FGD6: variants seen among roughly 807,000 people sequenced by gnomAD.
FGD6 encodes the protein FYVE, RhoGEF and PH domain containing 6, also known as FYVE, RhoGEF and PH domain-containing protein 6.
A neutral mutation model predicts 149.4 loss-of-function variants in FGD6; 90 were observed. The ratio of observed to expected loss-of-function variants is 0.60; its 90% CI spans 0.51 to 0.72. The LOEUF is 0.72. Among genes scored for constraint, FGD6 ranks in the 30% least tolerant of loss-of-function variants. FGD6 has a pLI of 0.00. For missense variants in FGD6, 1,437 were observed against 1,684.8 expected (o/e 0.85, Z 2.57); for synonymous variants, 527 against 584.0 (o/e 0.90, Z 1.41).
At chr12:95,149,670 A>G (rs969599512) in intron 5 of FGD6, among the ~76,000 whole-genome samples, 2 of 144,714 alleles carry the variant, frequency 1.4e-5, no homozygotes, top group Non-Finnish European at 3.0e-5. Flanking sequence ...AAAAAAGGAC[A>G]ATATTTTGTC....
chr12:95,152,871 T>C (rs1238659024), intron 4 of FGD6, 30 bp from the exon 5 acceptor site: 1 of 1,613,882 alleles, frequency 6.2e-7, no homozygotes, highest in Non-Finnish European at 8.5e-7. Context: ...AAAAAATGTT[T>C]TAAATGTGCC....
intron 19 of FGD6, among the ~76,000 whole-genome samples, chr12:95,085,248 T>G (rs1031354542): frequency 7.5e-5 from 10 of 134,062 alleles, no homozygotes; most frequent in Admixed American, 1.7e-4. Context: ...ACAGAGTCTC[T>G]CTGTTGCCCA....
At position 95,079,483 on chromosome 12, in the gene FGD6, A is replaced by C. The variant is rs1450890101; in HGVS notation, c.*2037T>G. Reference sequence around the variant, plus strand: ...TTGTAGTCAGAAGGCTGAGAGCTCAAGAGGAGGGAAAGAAAACCCAAATAA... The same window carrying C: ...TTGTAGTCAGAAGGCTGAGAGCTCACGAGGAGGGAAAGAAAACCCAAATAA... On this transcript the variant is annotated 3_prime_UTR_variant, in exon 21 of 21. Transcript: ENST00000343958. The C allele has an allele frequency of 6.6e-6, 1 of 152,248 alleles. No individual in the cohort carries two copies. The highest frequency in any genetic ancestry group is 1.9e-4 in the East Asian group (1 of 5,206). The allele number at this position is 152,248 out of a possible 1,614,324, so 9.4% of individuals were successfully genotyped here.
intron 2 of FGD6, among the ~76,000 whole-genome samples, chr12:95,174,780 T>C (rs1881083342): frequency 6.6e-6 from 1 of 151,656 alleles, no homozygotes; most frequent in African/African-American, 2.4e-5. Flanking sequence ...TACAAAATAT[T>C]AGCCAGGCAT....
chr12:95,086,957 C>T (rs943849133), intron 18 of FGD6, among the ~76,000 whole-genome samples: 5 of 150,864 alleles, frequency 3.3e-5, no homozygotes, highest in East Asian at 2.0e-4. Flanking sequence ...AAGCACTTCT[C>T]GTGCCCCAGC....
intron 8 of FGD6, among the ~76,000 whole-genome samples, chr12:95,131,574 G>C (rs1879521042): frequency 6.6e-6 from 1 of 152,126 alleles, no homozygotes; most frequent in South Asian, 2.1e-4. Flanking sequence ...GCTACAAAGA[G>C]AATGGACTTC....
chr12:95,151,212 A>C (rs1363272994), intron 5 of FGD6, among the ~76,000 whole-genome samples: 1 of 152,234 alleles, frequency 6.6e-6, no homozygotes, highest in African/African-American at 2.4e-5. Context: ...AGCAATGTTA[A>C]GAATTTTTAA....
At chr12:95,191,140 C>A (rs1327650643) in intron 2 of FGD6, among the ~76,000 whole-genome samples, 1 of 152,136 alleles carries the variant, frequency 6.6e-6, no homozygotes, top group Non-Finnish European at 1.5e-5. Context: ...AAGACCTGTA[C>A]TAACCAAGAA....
At chr12:95,165,983 T>C (rs1425264652) in intron 3 of FGD6, among the ~76,000 whole-genome samples, 14 of 140,872 alleles carry the variant, frequency 9.9e-5, no homozygotes, top group Admixed American at 3.6e-4. Flanking sequence ...TTTTTTTCAA[T>C]AGGGTCTTGC....
intron 2 of FGD6, among the ~76,000 whole-genome samples, chr12:95,207,763 T>C (rs2056700350): frequency 6.6e-6 from 1 of 152,162 alleles, no homozygotes; most frequent in Non-Finnish European, 1.5e-5. Context: ...TAAATAGTTA[T>C]ACATTAAGAC....
intron 2 of FGD6, among the ~76,000 whole-genome samples, chr12:95,186,188 G>C (rs1461824428): frequency 7.6e-6 from 1 of 131,234 alleles, no homozygotes; most frequent in African/African-American, 2.8e-5. Flanking sequence ...GCCTGTTTTT[G>C]TAAGGTCTAT....
intron 9 of FGD6, among the ~76,000 whole-genome samples, chr12:95,109,305 T>G (rs1170705542): frequency 6.6e-6 from 1 of 152,220 alleles, no homozygotes; most frequent in Non-Finnish European, 1.5e-5. Flanking sequence ...CCCAAGGCCA[T>G]AGTGCTCCCT....
intron 8 of FGD6, among the ~76,000 whole-genome samples, chr12:95,121,936 T>C (rs1879203187): frequency 1.3e-5 from 2 of 152,198 alleles, no homozygotes; most frequent in Non-Finnish European, 2.9e-5. Flanking sequence ...TTGGGTTTCC[T>C]ACTTTGTCAT....
intron 5 of FGD6, among the ~76,000 whole-genome samples, chr12:95,144,038 G>A (rs1001911539): frequency 6.6e-6 from 1 of 152,158 alleles, no homozygotes; most frequent in African/African-American, 2.4e-5. Flanking sequence ...TAAGGACCCG[G>A]TTTGACACAG....
intron 9 of FGD6, among the ~76,000 whole-genome samples, chr12:95,111,090 C>T (rs1878808066): frequency 6.6e-6 from 1 of 152,092 alleles, no homozygotes; most frequent in South Asian, 2.1e-4. Flanking sequence ...TCAAGCGATT[C>T]TCATGCCTCA....
At chr12:95,135,813 A>G (rs888953178) in intron 7 of FGD6, among the ~76,000 whole-genome samples, 1 of 152,232 alleles carries the variant, frequency 6.6e-6, no homozygotes, top group Non-Finnish European at 1.5e-5. Flanking sequence ...TCCAAGCATC[A>G]TTAACCCAGA....
At chr12:95,104,055 G>A (rs1878531444) in intron 14 of FGD6, among the ~76,000 whole-genome samples, 2 of 152,100 alleles carry the variant, frequency 1.3e-5, no homozygotes, top group Non-Finnish European at 1.5e-5. Context: ...ATTTGAAATA[G>A]CCACTTAAAA....
chr12:95,199,370 T>G (rs1330753466), intron 2 of FGD6, among the ~76,000 whole-genome samples: 2 of 152,200 alleles, frequency 1.3e-5, no homozygotes, highest in African/African-American at 2.4e-5. Context: ...CTCACTTTTT[T>G]CAAACCACTT....
chr12:95,152,875 A>T (rs753155246), intron 4 of FGD6, 34 bp from the exon 5 acceptor site: 1 of 1,613,878 alleles, frequency 6.2e-7, no homozygotes, highest in South Asian at 1.1e-5. Flanking sequence ...AATGTTTTAA[A>T]TGTGCCAATG....
Sources: allele counts gnomAD v4.1 joint callset (sites outside exome capture counted in the v4.1 genomes callset), GRCh38; gene constraint gnomAD v4.1.1; transcripts MANE v1.5; gene names NCBI Gene and HGNC (gene_info 2026-07-23, HGNC 2026-07-21).